Variants in UACA observed in about 807,000 individuals in gnomAD.
UACA encodes uveal autoantigen with coiled-coil domains and ankyrin repeats.
Under a neutral mutation model 160.5 loss-of-function variants are expected in UACA, and 112 were observed. The ratio of observed to expected loss-of-function variants is 0.70; its 90% CI spans 0.60 to 0.82. UACA has a LOEUF of 0.82. UACA is among the 40% of genes least tolerant of loss of function. The pLI is 0.00. For missense variants in UACA, 1,574 were observed against 1,614.6 expected (o/e 0.97, Z 0.43); for synonymous variants, 557 against 568.4 (o/e 0.98, Z 0.29).
chr15:70,670,003 A>C (rs2140908202), intron 15 of UACA, among the ~76,000 whole-genome samples: 1 of 152,304 alleles, frequency 6.6e-6, no homozygotes, highest in South Asian at 2.1e-4. Flanking sequence ...TATTCTCTGA[A>C]TTATAAAAAT....
chr15:70,750,253 G>A (rs887382055), intron 1 of UACA, among the ~76,000 whole-genome samples: 3 of 152,168 alleles, frequency 2.0e-5, no homozygotes, highest in Admixed American at 2.0e-4. Flanking sequence ...AGCTACCACA[G>A]TAATCCATCT....
upstream of UACA, chr15:70,763,601 T>G: frequency 8.6e-7 from 1 of 1,161,832 alleles, no homozygotes; most frequent in Admixed American, 4.2e-5. Context: ...ATTGACCCGC[T>G]GCCCTGGCGG....
chr15:70,736,498 G>T (rs568086082), intron 1 of UACA, among the ~76,000 whole-genome samples: 1 of 152,094 alleles, frequency 6.6e-6, no homozygotes, highest in Non-Finnish European at 1.5e-5. Context: ...ACAGCCGCAC[G>T]ATCTTGGCTC....
chr15:70,750,807 G>C (rs1380139130), intron 1 of UACA, among the ~76,000 whole-genome samples: 3 of 152,184 alleles, frequency 2.0e-5, no homozygotes, highest in African/African-American at 7.2e-5. Flanking sequence ...ACTCTAGTCT[G>C]AGTGACAGAG....
intron 1 of UACA, among the ~76,000 whole-genome samples, chr15:70,728,406 A>G (rs1566993043): frequency 6.6e-6 from 1 of 151,958 alleles, no homozygotes; most frequent in African/African-American, 2.4e-5. Flanking sequence ...TCTACTAAAA[A>G]TACAAAATTA....
intron 1 of UACA, among the ~76,000 whole-genome samples, chr15:70,721,556 G>A (rs1397067335): frequency 1.3e-5 from 2 of 151,952 alleles, no homozygotes; most frequent in South Asian, 2.1e-4. Flanking sequence ...GAACCCAGGA[G>A]GCAGAGCTTG....
At chr15:70,727,925 C>T (rs1359777738) in intron 1 of UACA, among the ~76,000 whole-genome samples, 1 of 152,146 alleles carries the variant, frequency 6.6e-6, no homozygotes, top group Admixed American at 6.6e-5. Flanking sequence ...CTTCACAGAG[C>T]AGCTCAAAGT....
chr15:70,763,500 G>A lies in UACA; in HGVS notation c.-93C>T. On this transcript the variant is annotated 5_prime_UTR_variant, in exon 1 of 19. Coordinates refer to ENST00000322954, the MANE Select transcript of UACA (RefSeq NM_018003.4). ...CGGCAGCGGCTGCAGCAGAGGCGGC[G>A]CGGGCTGTACCAGCCCCACCTGCCT... The A allele has an allele frequency of 8.0e-7, 1 of 1,257,812 alleles. No individual in the cohort carries two copies. The highest frequency in any genetic ancestry group is 1.0e-6 in the Non-Finnish European group (1 of 994,744). The allele number at this position is 1,257,812 out of a possible 1,614,324, so 77.9% of individuals were successfully genotyped here. A position where few individuals can be genotyped will look rare whatever the true frequency, so the allele number is the denominator to read the frequency against.
chr15:70,670,063 G>T (rs1897081704), intron 15 of UACA, among the ~76,000 whole-genome samples: 1 of 152,104 alleles, frequency 6.6e-6, no homozygotes, highest in Admixed American at 6.5e-5. Context: ...GAGAATGATT[G>T]GTCACAGCCA....
At chr15:70,753,962 T>G (rs1397643992) in intron 1 of UACA, 4 of 368,594 alleles carry the variant, frequency 1.1e-5, no homozygotes, top group African/African-American at 8.5e-5. Flanking sequence ...CCCACCACCA[T>G]GCCTGGCTAA....
At chr15:70,669,499 C>G (rs1260357304) in intron 15 of UACA, 37 bp from the exon 16 acceptor site, 2 of 1,468,780 alleles carry the variant, frequency 1.4e-6, no homozygotes, top group Admixed American at 2.4e-5. Context: ...ATCACAAAAG[C>G]CTAAATGAGA....
Position 70,666,749 on chromosome 15 carries a change from T to C in UACA, c.3935A>G (p.Lys1312Arg). Residue 1312 changes from lysine to arginine, a missense_variant, in exon 16 of 19, where the codon AAA becomes AGA. Lys to Arg is a conservative substitution (Grantham distance 26). Transcript: ENST00000322954. ...ELQRRIQESAKQIEAKDNKIT... is the reference protein window; with the variant it reads ...ELQRRIQESARQIEAKDNKIT... Reference sequence around the variant, plus strand: ...CTTATTATCTTTTGCTTCTATTTGTTTAGCAGATTCTTGTATTCTTCTTTG... The same window carrying C: ...CTTATTATCTTTTGCTTCTATTTGTCTAGCAGATTCTTGTATTCTTCTTTG... 1 of 1,607,620 alleles carries C rather than the reference T, an allele frequency of 6.2e-7. No homozygotes were observed. The highest frequency in any genetic ancestry group is 8.5e-7 in the Non-Finnish European group (1 of 1,178,394).
At chr15:70,701,799 G>A (rs1898373337) in intron 1 of UACA, 1 of 1,325,024 alleles carries the variant, frequency 7.5e-7, no homozygotes, top group African/African-American at 1.5e-5. Flanking sequence ...TAATAAAACA[G>A]TAGTGCATTT....
chr15:70,743,061 A>G (rs983417749), intron 1 of UACA, among the ~76,000 whole-genome samples: 1 of 152,060 alleles, frequency 6.6e-6, no homozygotes, highest in Non-Finnish European at 1.5e-5. Context: ...CAGTTCCCTT[A>G]AGGTATAGGA....
In UACA at chr15:70,669,135, G is replaced by C; in HGVS notation, c.1549C>G (p.Gln517Glu). Residue 517 changes from glutamine (Q) to glutamate (E), a missense_variant, in exon 16 of 19, where the codon CAG (glutamine) becomes GAG (glutamate). Transcript: ENST00000322954. Reference sequence around the variant, plus strand: ...TCTTTAAGGGCAAGAAAATGGGTCTGCATTTGTTTAACTTTACCTTCTGAC... The same window carrying C: ...TCTTTAAGGGCAAGAAAATGGGTCTCCATTTGTTTAACTTTACCTTCTGAC... ...YESEGKVKQM[Q>E]THFLALKEHL... 6.2e-7 allele frequency: 1 copy of C among 1,614,062 alleles called. No homozygotes were observed. The highest frequency in any genetic ancestry group is 8.5e-7 in the Non-Finnish European group (1 of 1,179,988).
At position 70,658,774 on chromosome 15, in the gene UACA, A is replaced by G. The variant is rs117459798; in HGVS notation, c.4179+1377T>C. Reference sequence around the variant, plus strand: ...AGCACAACACTTCCTATTAATATGAAAAGTTTTGCTTCCAAAATCTGTTTC... The same window carrying G: ...AGCACAACACTTCCTATTAATATGAGAAGTTTTGCTTCCAAAATCTGTTTC... On this transcript the variant is annotated intron_variant, in intron 18 of 18. Transcript: ENST00000322954. 1.4e-4 allele frequency among the ~76,000 whole-genome samples: 21 copies of G among 152,296 alleles called. 1 individual carries two copies. In the East Asian group the frequency reaches 4.1e-3, roughly 29 times the overall value.
intron 1 of UACA, among the ~76,000 whole-genome samples, chr15:70,718,493 G>A (rs1010174965): frequency 1.3e-5 from 2 of 152,044 alleles, no homozygotes; most frequent in African/African-American, 2.4e-5. Flanking sequence ...GCAGCAATCT[G>A]AGTTACAGCC....
chr15:70,662,013 C>A (rs897612512), intron 17 of UACA, among the ~76,000 whole-genome samples: 3 of 152,054 alleles, frequency 2.0e-5, no homozygotes, highest in African/African-American at 7.2e-5. Flanking sequence ...CTGGCCAGGG[C>A]AATCAGGCAG....
intron 1 of UACA, among the ~76,000 whole-genome samples, chr15:70,726,281 G>A (rs1479456797): frequency 2.0e-5 from 3 of 152,014 alleles, no homozygotes; most frequent in Non-Finnish European, 2.9e-5. Flanking sequence ...AATTTACCAA[G>A]ATGACAAAAG....
Sources: gnomAD v4.1 joint callset for allele counts (sites outside exome capture counted in the v4.1 genomes callset) on GRCh38, gnomAD v4.1.1 for gene constraint, MANE v1.5 for transcripts, NCBI Gene and HGNC (gene_info 2026-07-23, HGNC 2026-07-21) for gene names.